Variants in EZH1 observed in about 807,000 individuals in gnomAD.
The protein encoded by EZH1 is histone-lysine N-methyltransferase EZH1.
A neutral mutation model predicts 100.5 loss-of-function variants in EZH1; 33 were observed. That is an observed-to-expected ratio of 0.33 (90% CI 0.25 to 0.44). The LOEUF is 0.44. Among genes scored for constraint, EZH1 ranks in the 20% least tolerant of loss-of-function variants. The probability of loss-of-function intolerance (pLI) is 1.00; values close to 1 mark genes in which losing one functional copy is unlikely to be tolerated. For missense variants in EZH1, 475 were observed against 928.4 expected (o/e 0.51, Z 6.35); for synonymous variants, 272 against 313.8 (o/e 0.87, Z 1.41).
rs1468483119 is a variant in EZH1, at chr17:42,718,300, C to T, written c.931+154G>A. 8 of 1,029,872 alleles carry T rather than the reference C, an allele frequency of 7.8e-6. No homozygotes were observed. Among genetic ancestry groups the T allele is most frequent in the Non-Finnish European group, 9.8e-6 (7 of 717,870 alleles). 63.8% of individuals were successfully genotyped at this position (1,029,872 alleles called of 1,614,324 possible). A position where few individuals can be genotyped will look rare whatever the true frequency, so the allele number is the denominator to read the frequency against. On this transcript the variant is annotated intron_variant, in intron 9 of 20. Coordinates refer to ENST00000428826, the MANE Select transcript of EZH1 (RefSeq NM_001991.5). The surrounding 1 kb of genome is among the most constrained non-coding windows in gnomAD (Gnocchi z 4.2). ...TGTCCCTATCATGCAAAGCATGTTG[C>T]ACTATAATTGAGCAAGGGAAAATAG...
Position 42,702,441 on chromosome 17 carries a change from A to G in EZH1, c.*91T>C. The G allele has an allele frequency of 9.1e-7, 1 of 1,103,168 alleles. No individual in the cohort carries two copies. The highest frequency in any genetic ancestry group is 1.5e-5 in the South Asian group (1 of 67,346). 68.3% of individuals were successfully genotyped at this position (1,103,168 alleles called of 1,614,324 possible). ...GTTGGGGGGTTTCTCAGTGTGGGAGACACAGTGCAGGAGACTCGAGCAGCA... is the reference window on the plus strand; with the variant it reads ...GTTGGGGGGTTTCTCAGTGTGGGAGGCACAGTGCAGGAGACTCGAGCAGCA... On this transcript the variant is annotated 3_prime_UTR_variant, in exon 21 of 21. Transcript: ENST00000428826.
chr17:42,740,550 A>G (rs571108251), intron 1 of EZH1, among the ~76,000 whole-genome samples: 1 of 152,146 alleles, frequency 6.6e-6, no homozygotes, highest in Admixed American at 6.6e-5. Flanking sequence ...AGATCTTGCT[A>G]TGTTTCCCAG....
At chr17:42,705,283 C>T (rs1344154924) in intron 16 of EZH1, 100 bp from the exon 17 acceptor site, 1 of 657,592 alleles carries the variant, frequency 1.5e-6, no homozygotes, top group Non-Finnish European at 2.8e-6. Flanking sequence ...TGGAAAGAAC[C>T]AGCAACTGTT....
At chr17:42,723,462 A>C (rs1464484735) in intron 5 of EZH1, among the ~76,000 whole-genome samples, 1 of 152,164 alleles carries the variant, frequency 6.6e-6, no homozygotes, top group African/African-American at 2.4e-5. Context: ...TTAACTACAA[A>C]ATAAACTGGG....
At chr17:42,744,511 T>C (rs937386386) in intron 1 of EZH1, among the ~76,000 whole-genome samples, 1 of 152,012 alleles carries the variant, frequency 6.6e-6, no homozygotes, top group Non-Finnish European at 1.5e-5. Flanking sequence ...TTGGGAGCCT[T>C]ACTCACCTCA....
chr17:42,724,468 A>G (rs2053778213), intron 4 of EZH1, 44 bp from the exon 5 acceptor site: 1 of 1,602,204 alleles, frequency 6.2e-7, no homozygotes, highest in Non-Finnish European at 8.5e-7. Flanking sequence ...ACGGGCATAT[A>G]ACCCAAGAAA....
At position 42,712,408 on chromosome 17, in the gene EZH1, G is replaced by C; in HGVS notation, c.1282C>G (p.Pro428Ala). Residue 428 changes from proline to alanine, a missense_variant, in exon 12 of 21, where the codon CCC (proline) becomes GCC (alanine). Transcript: ENST00000428826. Reference sequence around the variant, plus strand: ...CCAGTCCATTCCACAGGCTCCGAGGGTGCTTCCACTACGCAGAGTTGAGGT... The same window carrying C: ...CCAGTCCATTCCACAGGCTCCGAGGCTGCTTCCACTACGCAGAGTTGAGGT... ...APPQLCVVEA[P>A]SEPVEWTGAE... is the part of the protein sequence containing the mutation. The C allele has an allele frequency of 6.2e-7, 1 of 1,614,166 alleles. No homozygotes were observed. The highest frequency in any genetic ancestry group is 1.3e-5 in the African/African-American group (1 of 75,042).
intron 1 of EZH1, among the ~76,000 whole-genome samples, chr17:42,736,805 T>C (rs185944569): frequency 6.6e-6 from 1 of 151,878 alleles, no homozygotes; most frequent in Non-Finnish European, 1.5e-5. Flanking sequence ...GATCTGAGAA[T>C]GCGCCACTGC....
chr17:42,715,439 G>A (rs2053583160), intron 10 of EZH1, among the ~76,000 whole-genome samples: 1 of 151,566 alleles, frequency 6.6e-6, no homozygotes, highest in East Asian at 1.9e-4. Context: ...TAGACATGGG[G>A]TTTTGCCATG....
At chr17:42,703,034 A>G (rs1341643204) in intron 19 of EZH1, 73 bp from the exon 20 acceptor site, 1 of 1,432,000 alleles carries the variant, frequency 7.0e-7, no homozygotes, top group Admixed American at 1.7e-5. Flanking sequence ...TTCTGGGTTG[A>G]TTTTCTCCAA....
chr17:42,743,464 C>A (rs2054216745), intron 1 of EZH1, among the ~76,000 whole-genome samples: 1 of 151,480 alleles, frequency 6.6e-6, no homozygotes, highest in East Asian at 1.9e-4. Context: ...AGCCACCGTG[C>A]CAGGCTTTTT....
At chr17:42,727,401 T>C (rs918470705) in intron 4 of EZH1, among the ~76,000 whole-genome samples, 1 of 151,708 alleles carries the variant, frequency 6.6e-6, no homozygotes, top group Admixed American at 6.6e-5. Flanking sequence ...TACACCACCA[T>C]GTCTGGCTAC....
intron 3 of EZH1, 106 bp from the exon 4 acceptor site, chr17:42,727,869 T>A (rs2143829764): frequency 1.2e-6 from 1 of 844,288 alleles, no homozygotes; most frequent in East Asian, 5.3e-5. Context: ...CAGGCTGGAG[T>A]GTAGTAGCGC....
chr17:42,740,766 A>G (rs1568010544), intron 1 of EZH1, among the ~76,000 whole-genome samples: 1 of 152,240 alleles, frequency 6.6e-6, no homozygotes, highest in Non-Finnish European at 1.5e-5. Flanking sequence ...GTGCCTGCTC[A>G]TATCATCCAA....
chr17:42,744,862 G>A (rs2054250899), intron 1 of EZH1, 149 bp downstream of exon 1: 1 of 813,212 alleles, frequency 1.2e-6, no homozygotes, highest in South Asian at 1.8e-5. Context: ...ATGAGGAGGG[G>A]CGCCTGCTAC....
intron 6 of EZH1, 55 bp downstream of exon 6, chr17:42,722,740 C>G (rs1352755672): frequency 3.4e-5 from 54 of 1,575,226 alleles, no homozygotes; most frequent in Non-Finnish European, 4.5e-5. Flanking sequence ...GATGAGGTAC[C>G]AAAGAAGAGG....
Position 42,720,394 on chromosome 17 carries a change from A to C in EZH1, c.543T>G (p.Asp181Glu). ...ISDAVFLELV[D>E]ALNQYSDEEE... ...CCTCATCTGAGTACTGATTCAGGGC[A>C]TCGACCAACTCCAGAAAAACAGCAT... Residue 181 changes from aspartate to glutamate, a missense_variant, in exon 7 of 21, where the codon GAT (aspartate) becomes GAG (glutamate). This residue lies in a region of EZH1 where 180 missense variants were observed against 295.3 expected (regional missense o/e 0.61). Coordinates refer to ENST00000428826, the MANE Select transcript of EZH1 (RefSeq NM_001991.5). 1.2e-6 allele frequency: 2 copies of C among 1,614,040 alleles called. No individual in the cohort carries two copies. Among genetic ancestry groups the C allele is most frequent in the Non-Finnish European group, 8.5e-7 (1 of 1,180,008 alleles).
intron 4 of EZH1, among the ~76,000 whole-genome samples, chr17:42,726,904 C>T (rs1286350184): frequency 2.0e-5 from 3 of 151,690 alleles, no homozygotes; most frequent in African/African-American, 7.3e-5. Flanking sequence ...GGCTGGAGTG[C>T]AGTGGTGTGA....
At chr17:42,729,084 G>T in intron 2 of EZH1, 132 bp from the exon 3 acceptor site, 1 of 901,772 alleles carries the variant, frequency 1.1e-6, no homozygotes, top group Non-Finnish European at 1.6e-6. Context: ...CACATTTAAA[G>T]AACCCAAATG....
Sources: gnomAD v4.1 joint callset for allele counts (sites outside exome capture counted in the v4.1 genomes callset) on GRCh38, gnomAD v4.1.1 for gene constraint, gnomAD v4.1.1 regional missense constraint, Gnocchi (gnomAD v3.1) non-coding constraint, MANE v1.5 for transcripts, NCBI Gene and HGNC (gene_info 2026-07-23, HGNC 2026-07-21) for gene names.